Variants in NARS2 observed in about 807,000 individuals in gnomAD.
The protein encoded by NARS2 is asparaginyl-tRNA synthetase 2, mitochondrial.
A neutral mutation model predicts 62.9 loss-of-function variants in NARS2; 60 were observed. The ratio of observed to expected loss-of-function variants is 0.95; its 90% confidence interval spans 0.77 to 1.18. The LOEUF (loss-of-function observed/expected upper bound fraction) is 1.18, where lower values mean the gene tolerates loss of function less well. Among genes scored for constraint, NARS2 ranks in the 50% most tolerant of loss-of-function variants. The pLI, the probability that NARS2 is intolerant of heterozygous loss-of-function variation, is 0.00. For missense variants in NARS2, 619 were observed against 576.4 expected (o/e 1.07, Z -0.76); for synonymous variants, 196 against 200.0 (o/e 0.98, Z 0.17).
intron 4 of NARS2, among the ~76,000 whole-genome samples, chr11:78,560,115 T>C (rs1377085843): frequency 2.0e-5 from 3 of 152,102 alleles, no homozygotes; most frequent in East Asian, 3.8e-4. Context: ...ATGACCTCAA[T>C]TGTAATGAAC....
intron 10 of NARS2, among the ~76,000 whole-genome samples, chr11:78,467,562 TAAA>T (rs35429021): frequency 0.1 from 15,483 of 150,102 alleles, 1,147 homozygotes; most frequent in East Asian, 0.26. Flanking sequence ...AATAAATAAA[TAAA>T]TAAATTAATT....
intron 10 of NARS2, 92 bp downstream of exon 10, chr11:78,469,155 A>T (rs2135226638): frequency 2.3e-6 from 2 of 853,136 alleles, no homozygotes; most frequent in South Asian, 3.1e-5. Context: ...TAAGAGAATT[A>T]AGATGATTTT....
At chr11:78,554,448 T>C (rs1856256539) in intron 5 of NARS2, among the ~76,000 whole-genome samples, 1 of 151,742 alleles carries the variant, frequency 6.6e-6, no homozygotes, top group Non-Finnish European at 1.5e-5. Context: ...AGCAGTGTTT[T>C]ATAATTCTCA....
Position 78,444,040 on chromosome 11 carries a change from T to C in NARS2, c.1165-282A>G, listed in dbSNP as rs7124092. On this transcript the variant is annotated intron_variant, in intron 11 of 13. Coordinates refer to ENST00000281038, the MANE Select transcript of NARS2 (RefSeq NM_024678.6). Reference sequence around the variant, plus strand: ...TGAAACATTAAAAATCACCTATCAGTACCAGAAAATTACATTTTTGTGGAT... The same window carrying C: ...TGAAACATTAAAAATCACCTATCAGCACCAGAAAATTACATTTTTGTGGAT... The C allele has an allele frequency of 0.31, 61,559 of 196,244 alleles. 12,233 individuals are homozygous for C. Among genetic ancestry groups the C allele is most frequent in the African/African-American group, 0.59 (25,530 of 43,258 alleles). 12.2% of individuals were successfully genotyped at this position (196,244 alleles called of 1,614,324 possible).
At position 78,455,488 on chromosome 11, in the gene NARS2, T is replaced by G. The variant is rs569856483; in HGVS notation, c.1164+10388A>C. Among the ~76,000 whole-genome samples, 16 of 152,234 alleles carry G rather than the reference T, an allele frequency of 1.1e-4. No individual in the cohort carries two copies. The East Asian group carries it at 2.7e-3, about 26-fold the overall frequency. ...TGAAGCACCATACGGATCAATAAACTGAACAATAGCAGTACCCCAAAAAAG... is the reference window on the plus strand; with the variant it reads ...TGAAGCACCATACGGATCAATAAACGGAACAATAGCAGTACCCCAAAAAAG... On this transcript the variant is annotated intron_variant, in intron 11 of 13. Transcript: ENST00000281038.
chr11:78,553,215 G>C (rs1238050238), intron 5 of NARS2, among the ~76,000 whole-genome samples: 2 of 152,010 alleles, frequency 1.3e-5, no homozygotes, highest in Admixed American at 6.6e-5. Context: ...CAGTGATATT[G>C]AGCTTTTTTT....
chr11:78,461,602 T>TAAAAAAAAAAAAAAAA (rs59664343), intron 11 of NARS2, among the ~76,000 whole-genome samples: 33 of 64,070 alleles, frequency 5.2e-4, no homozygotes, highest in African/African-American at 1.8e-3. Context: ...GCTGTGCTGG[T>TAAAAAAAAAAAAAAAA]AAAAAAAAAA....
intron 7 of NARS2, among the ~76,000 whole-genome samples, chr11:78,483,287 T>C (rs536301208): frequency 2.6e-5 from 4 of 152,204 alleles, no homozygotes; most frequent in South Asian, 2.1e-4. Flanking sequence ...AGTATCATAC[T>C]GAATGGGCAA....
intron 6 of NARS2, among the ~76,000 whole-genome samples, chr11:78,519,943 T>C (rs945039484): frequency 1.3e-5 from 2 of 152,276 alleles, no homozygotes; most frequent in East Asian, 1.9e-4. Flanking sequence ...TCCGCCTGTC[T>C]TGGCCTCCCA....
In NARS2 at chr11:78,559,973, T is replaced by A. The variant is rs540536243; in HGVS notation, c.514-354A>T. 2.0e-5 allele frequency among the ~76,000 whole-genome samples: 3 copies of A among 152,318 alleles called. No homozygotes were observed. In the South Asian group the frequency reaches 6.2e-4, roughly 32 times the overall value. On this transcript the variant is annotated intron_variant, in intron 4 of 13. Transcript: ENST00000281038. ...TTCATGCTCTCTCTTTAGTACTATA[T>A]TCTCTTCCCATTTCTCTAACATTTT... is the stretch of plus-strand genomic sequence containing the variant.
intron 6 of NARS2, among the ~76,000 whole-genome samples, chr11:78,513,439 T>C (rs181764549): frequency 5.3e-5 from 8 of 151,810 alleles, no homozygotes; most frequent in Admixed American, 3.9e-4. Context: ...TTATTCTCTA[T>C]CTCCATGAGT....
At chr11:78,446,465 C>A (rs1460499433) in intron 11 of NARS2, among the ~76,000 whole-genome samples, 1 of 152,110 alleles carries the variant, frequency 6.6e-6, no homozygotes, top group African/African-American at 2.4e-5. Flanking sequence ...TGGTGTCTTG[C>A]TTTTAGATAT....
intron 5 of NARS2, among the ~76,000 whole-genome samples, chr11:78,536,687 C>T (rs188930981): frequency 1.2e-3 from 180 of 151,632 alleles, no homozygotes; most frequent in African/African-American, 3.3e-3. Context: ...AGTTAGAGTA[C>T]GCTAAGATAA....
At chr11:78,463,951 A>C (rs1858503554) in intron 11 of NARS2, among the ~76,000 whole-genome samples, 2 of 152,134 alleles carry the variant, frequency 1.3e-5, no homozygotes, top group Admixed American at 1.3e-4. Context: ...CTGATTGTGC[A>C]GTGTCCGGAA....
rs1275677086 is a variant in NARS2 at position 78,436,437 on chromosome 11, TGA to T, written c.*231_*232del. Reference sequence around the variant, plus strand: ...CATTTCTTAATTGAGGTAATGGATTTGAGAGTCCCCTTGCTATAAGTACCTCT... The same window carrying T: ...CATTTCTTAATTGAGGTAATGGATTTGAGTCCCCTTGCTATAAGTACCTCT... On this transcript the variant is annotated 3_prime_UTR_variant, in exon 14 of 14. Transcript: ENST00000281038. The T allele has an allele frequency of 1.7e-5, 8 of 460,180 alleles. No individual in the cohort carries two copies. The highest frequency in any genetic ancestry group is 1.5e-4 in the Admixed American group (4 of 26,248). 28.5% of individuals were successfully genotyped at this position (460,180 alleles called of 1,614,324 possible). A position where few individuals can be genotyped will look rare whatever the true frequency, so the allele number is the denominator to read the frequency against.
chr11:78,528,020 A>C lies in NARS2; in HGVS notation c.689+822T>G, dbSNP rs187786916. Reference sequence around the variant, plus strand: ...AGTTACTTGGGAGGCCTAAGGCAGGAAGATCACTTGAGCCTAGAGTTTGAG... The same window carrying C: ...AGTTACTTGGGAGGCCTAAGGCAGGCAGATCACTTGAGCCTAGAGTTTGAG... On this transcript the variant is annotated intron_variant, in intron 6 of 13. Coordinates refer to ENST00000281038, the MANE Select transcript of NARS2 (RefSeq NM_024678.6). 4.4e-3 allele frequency among the ~76,000 whole-genome samples: 663 copies of C among 152,316 alleles called. 1 individual carries two copies. The highest frequency in any genetic ancestry group is 8.1e-3 in the Non-Finnish European group (549 of 68,016).
At position 78,465,827 on chromosome 11, in the gene NARS2, A is replaced by T; in HGVS notation, c.1164+49T>A. 2.5e-6 allele frequency: 4 copies of T among 1,599,688 alleles called. No individual in the cohort carries two copies. In the South Asian group the frequency reaches 4.4e-5, roughly 18 times the overall value. ...AAAAGATCACAAAGGCTAAATGAAA[A>T]ACCCAACCTAAGAGGACTAACCCCA... On this transcript the variant is annotated intron_variant, in intron 11 of 13. Transcript: ENST00000281038.
chr11:78,448,851 A>C (rs1857859106), intron 11 of NARS2, among the ~76,000 whole-genome samples: 1 of 152,220 alleles, frequency 6.6e-6, no homozygotes. Flanking sequence ...CTTGCTGCTA[A>C]GATAACTAAA....
chr11:78,447,715 A>G (rs531520347), intron 11 of NARS2, among the ~76,000 whole-genome samples: 1 of 152,350 alleles, frequency 6.6e-6, no homozygotes, highest in South Asian at 2.1e-4. Context: ...ATGAATCCAG[A>G]GGATAATGTG....
Sources: gnomAD v4.1 joint callset for allele counts (sites outside exome capture counted in the v4.1 genomes callset) on GRCh38, gnomAD v4.1.1 for gene constraint, MANE v1.5 for transcripts, NCBI Gene and HGNC (gene_info 2026-07-23, HGNC 2026-07-21) for gene names.